PLS1: variants seen among roughly 807,000 people sequenced by gnomAD.
The protein encoded by PLS1 is plastin 1.
A neutral mutation model predicts 73.7 loss-of-function variants in PLS1; 32 were observed. That is an observed-to-expected ratio of 0.43 (90% CI 0.33 to 0.58). PLS1 has a LOEUF of 0.58. PLS1 is among the 20% of genes least tolerant of loss of function. PLS1 has a pLI of 0.04. For synonymous variants in PLS1, 217 were observed against 261.3 expected, an observed-to-expected ratio of 0.83 and a Z score of 1.63; for missense variants, 633 against 740.5, an observed-to-expected ratio of 0.85 and a Z score of 1.68.
rs1470046601 is a variant in PLS1, at chr3:142,704,071, C to T, written c.1505+70C>T. 7 of 1,371,170 alleles carry T rather than the reference C, an allele frequency of 5.1e-6. No homozygotes were observed. In the East Asian group the frequency reaches 1.6e-4, roughly 32 times the overall value. The allele number at this position is 1,371,170 out of a possible 1,614,324, so 84.9% of individuals were successfully genotyped here. On this transcript the variant is annotated intron_variant, in intron 13 of 15. Transcript: ENST00000457734. ...CAAGTAATCTGAACCAAATTTTTAG[C>T]TATTTTTGAACAATAATGAACACAG...
intron 1 of PLS1, among the ~76,000 whole-genome samples, chr3:142,637,159 CTAAG>C (rs1262907293): frequency 6.6e-6 from 1 of 152,134 alleles, no homozygotes; most frequent in Non-Finnish European, 1.5e-5. Flanking sequence ...TGTGAACAAC[CTAAG>C]TGTCTTCATG....
intron 6 of PLS1, 26 bp downstream of exon 6, chr3:142,678,139 TCA>T (rs763300822): frequency 8.8e-7 from 1 of 1,139,268 alleles, no homozygotes; most frequent in South Asian, 1.5e-5. Context: ...TTGCTTATTA[TCA>T]TGTTACTATG....
intron 14 of PLS1, among the ~76,000 whole-genome samples, chr3:142,705,818 T>TAA (rs2038448592): frequency 1.3e-5 from 2 of 152,214 alleles, no homozygotes; most frequent in Non-Finnish European, 2.9e-5. Context: ...AGCTGGATAT[T>TAA]GGCAGAGACG....
intron 1 of PLS1, among the ~76,000 whole-genome samples, chr3:142,603,361 C>G (rs1173686553): frequency 2.0e-5 from 3 of 152,146 alleles, no homozygotes; most frequent in Non-Finnish European, 4.4e-5. Flanking sequence ...CTTGTTTCAT[C>G]AGAAAATATT....
rs1463179007 is a variant in PLS1 at position 142,647,496 on chromosome 3, T to C, written c.-36-16706T>C. Among the ~76,000 whole-genome samples the C allele has an allele frequency of 3.1e-5, 3 of 95,548 alleles. 1 individual carries two copies. Among genetic ancestry groups the C allele is most frequent in the Admixed American group, 2.6e-4 (3 of 11,356 alleles). The allele number at this position is 95,548 out of a possible 152,430, so 62.7% of individuals were successfully genotyped here. A position where few individuals can be genotyped will look rare whatever the true frequency, so the allele number is the denominator to read the frequency against. ...TGCCTGTTCATTTTTCTTTTTCTTT[T>C]TCTTTTCTTTTTTTTTTTTTTCTTG... is the stretch of plus-strand genomic sequence containing the variant. On this transcript the variant is annotated intron_variant, in intron 1 of 15. Transcript: ENST00000457734.
chr3:142,661,727 G>T (rs1193296108), intron 1 of PLS1, among the ~76,000 whole-genome samples: 1 of 152,098 alleles, frequency 6.6e-6, no homozygotes, highest in Non-Finnish European at 1.5e-5. Flanking sequence ...TAAAGCACTT[G>T]TTTTCACTTA....
Position 142,662,226 on chromosome 3 carries a change from A to G in PLS1, c.-36-1976A>G, listed in dbSNP as rs576062092. The stretch of plus-strand genomic sequence containing the variant: ...TGGCATATATACACCATGGAATACT[A>G]TGCAGCCATAAAAAAGGATGAGTTC... On this transcript the variant is annotated intron_variant, in intron 1 of 15. Coordinates refer to ENST00000457734, the MANE Select transcript of PLS1 (RefSeq NM_001145319.2). Among the ~76,000 whole-genome samples, 4 of 152,344 alleles carry G rather than the reference A, an allele frequency of 2.6e-5. No homozygotes were observed. The South Asian group carries it at 8.3e-4, about 32-fold the overall frequency.
intron 1 of PLS1, among the ~76,000 whole-genome samples, chr3:142,630,085 A>G (rs2036519701): frequency 6.6e-6 from 1 of 152,196 alleles, no homozygotes; most frequent in African/African-American, 2.4e-5. Context: ...AAGATCAAGA[A>G]TGGTTATAGG....
intron 1 of PLS1, chr3:142,619,491 C>A (rs1268325556): frequency 6.6e-6 from 1 of 152,214 alleles, no homozygotes; most frequent in Admixed American, 6.5e-5. Context: ...GGCTTCTACT[C>A]ATTTTTCCCA....
chr3:142,639,161 T>C (rs1031572324), intron 1 of PLS1, among the ~76,000 whole-genome samples: 4 of 152,328 alleles, frequency 2.6e-5, no homozygotes, highest in East Asian at 3.9e-4. Context: ...TTGTCATCCC[T>C]GTGTGGTAGC....
At chr3:142,626,219 A>T (rs1023143205) in intron 1 of PLS1, among the ~76,000 whole-genome samples, 6 of 152,198 alleles carry the variant, frequency 3.9e-5, no homozygotes, top group African/African-American at 1.2e-4. Flanking sequence ...TAGCAACAAG[A>T]AGAGTGAGGA....
At chr3:142,601,314 G>T (rs991123616) in intron 1 of PLS1, among the ~76,000 whole-genome samples, 3 of 151,928 alleles carry the variant, frequency 2.0e-5, no homozygotes, top group Admixed American at 2.0e-4. Context: ...TGAAGTTAAT[G>T]TCTCATACAC....
intron 12 of PLS1, among the ~76,000 whole-genome samples, chr3:142,702,631 A>G (rs1217500672): frequency 6.6e-6 from 1 of 152,224 alleles, no homozygotes; most frequent in Admixed American, 6.5e-5. Flanking sequence ...TCACTGGAGC[A>G]AAAAGACTCA....
At chr3:142,681,864 T>G (rs2037864143) in intron 6 of PLS1, among the ~76,000 whole-genome samples, 1 of 152,210 alleles carries the variant, frequency 6.6e-6, no homozygotes, top group African/African-American at 2.4e-5. Flanking sequence ...AGAAACATGT[T>G]GCAACTCCTT....
At chr3:142,692,602 A>G (rs1205331123) in intron 10 of PLS1, among the ~76,000 whole-genome samples, 1 of 152,144 alleles carries the variant, frequency 6.6e-6, no homozygotes, top group Non-Finnish European at 1.5e-5. Context: ...TAAAATAATT[A>G]TATAATCAGT....
At chr3:142,650,211 C>CTTTTTTTTTTT (rs1171297517) in intron 1 of PLS1, among the ~76,000 whole-genome samples, 70 of 70,908 alleles carry the variant, frequency 9.9e-4, no homozygotes, top group Non-Finnish European at 1.0e-3. Flanking sequence ...GCTTCTTCTT[C>CTTTTTTTTTTT]TTTTTTTTTT....
At chr3:142,628,526 C>A (rs1045172374) in intron 1 of PLS1, among the ~76,000 whole-genome samples, 2 of 152,106 alleles carry the variant, frequency 1.3e-5, no homozygotes, top group Non-Finnish European at 2.9e-5. Context: ...TTCCTTAGCT[C>A]ACTGGGCTGA....
At chr3:142,614,502 A>C (rs1336990233) in intron 1 of PLS1, among the ~76,000 whole-genome samples, 2 of 152,242 alleles carry the variant, frequency 1.3e-5, no homozygotes, top group Non-Finnish European at 2.9e-5. Flanking sequence ...ATGTGGGTGC[A>C]GTATTGCCAG....
intron 1 of PLS1, among the ~76,000 whole-genome samples, chr3:142,653,871 C>A (rs2037158528): frequency 6.6e-6 from 1 of 152,150 alleles, no homozygotes; most frequent in Non-Finnish European, 1.5e-5. Context: ...ACTTTTCAGG[C>A]ATTAACAGTT....
Sources: gnomAD v4.1 joint callset for allele counts (sites outside exome capture counted in the v4.1 genomes callset) on GRCh38, gnomAD v4.1.1 for gene constraint, MANE v1.5 for transcripts, NCBI Gene and HGNC (gene_info 2026-07-23, HGNC 2026-07-21) for gene names.